TLCD4: variants seen among roughly 807,000 people sequenced by gnomAD.
TLCD4 encodes TLC domain-containing protein 4.
Under a neutral mutation model 24.2 loss-of-function variants are expected in TLCD4, and 7 were observed. The observed-to-expected ratio is 0.29, with a 90% CI of 0.16 to 0.54. The LOEUF (loss-of-function observed/expected upper bound fraction) is 0.54. TLCD4 is among the 20% of genes least tolerant of loss of function. The pLI is 0.95. For missense variants in TLCD4, 259 were observed against 313.9 expected (o/e 0.82, Z 1.32); for synonymous variants, 103 against 106.4 (o/e 0.97, Z 0.20).
intron 6 of TLCD4, among the ~76,000 whole-genome samples, chr1:95,180,845 A>G (rs910803609): frequency 3.3e-5 from 5 of 152,236 alleles, no homozygotes; most frequent in Admixed American, 6.5e-5. Context: ...TGTGACTTCA[A>G]GGAGCTTTAG....
At position 95,117,389 on chromosome 1, in the gene TLCD4, C is replaced by T. The variant is rs1311754962; in HGVS notation, c.-240C>T. ...CTCTGCGGTAACCCGAGCCCGCAGTCCGGGCGGGCGCGACGGCCGCCGCGG... is the reference window on the plus strand; with the variant it reads ...CTCTGCGGTAACCCGAGCCCGCAGTTCGGGCGGGCGCGACGGCCGCCGCGG... On this transcript the variant is annotated 5_prime_UTR_variant, in exon 1 of 7. Coordinates refer to ENST00000370203, the MANE Select transcript of TLCD4 (RefSeq NM_152487.3). 1 of 152,134 alleles carries T rather than the reference C, an allele frequency of 6.6e-6. No homozygotes were observed. The highest frequency in any genetic ancestry group is 1.5e-5 in the Non-Finnish European group (1 of 68,024). The allele number at this position is 152,134 out of a possible 1,614,324, so 9.4% of individuals were successfully genotyped here. A position where few individuals can be genotyped will look rare whatever the true frequency, so the allele number is the denominator to read the frequency against.
intron 6 of TLCD4, among the ~76,000 whole-genome samples, chr1:95,187,776 A>G (rs146325440): frequency 9.4e-4 from 143 of 152,084 alleles, no homozygotes; most frequent in African/African-American, 3.2e-3. Flanking sequence ...AAAATGCCAC[A>G]GTCTGGGTGG....
chr1:95,097,797 T>C, the TLCD4 span, among the ~76,000 whole-genome samples: 3 of 152,214 alleles, frequency 2.0e-5, no homozygotes, highest in African/African-American at 7.2e-5. Flanking sequence ...AAATAGTTGA[T>C]AAACGGAACT....
intron 1 of TLCD4, among the ~76,000 whole-genome samples, chr1:95,131,808 C>G (rs1676898569): frequency 6.6e-6 from 1 of 152,094 alleles, no homozygotes; most frequent in Non-Finnish European, 1.5e-5. Flanking sequence ...ATGGTTTGTC[C>G]CCATCAAAAC....
upstream of TLCD4, among the ~76,000 whole-genome samples, chr1:95,113,977 C>T (rs1676385662): frequency 6.6e-6 from 1 of 152,118 alleles, no homozygotes; most frequent in Non-Finnish European, 1.5e-5. Flanking sequence ...AAGTCTCACC[C>T]ACCCAGAAAT....
At chr1:95,102,266 T>C in the TLCD4 span, among the ~76,000 whole-genome samples, 1 of 152,148 alleles carries the variant, frequency 6.6e-6, no homozygotes, top group African/African-American at 2.4e-5. Context: ...ATTATTAACT[T>C]GGTATGATGC....
chr1:95,103,417 C>T, the TLCD4 span, among the ~76,000 whole-genome samples: 8 of 152,182 alleles, frequency 5.3e-5, no homozygotes, highest in Non-Finnish European at 1.2e-4. Context: ...CAGGAACCCC[C>T]TACTCTTATG....
At chr1:95,140,411 T>C (rs1677165215) in intron 1 of TLCD4, among the ~76,000 whole-genome samples, 1 of 152,226 alleles carries the variant, frequency 6.6e-6, no homozygotes. Flanking sequence ...TGGTCTGTCA[T>C]TGACTGAAAC....
At chr1:95,105,971 G>A in the TLCD4 span, among the ~76,000 whole-genome samples, 1 of 151,894 alleles carries the variant, frequency 6.6e-6, no homozygotes, top group Non-Finnish European at 1.5e-5. Context: ...GGACTAGTTT[G>A]GAGGCAGTTG....
chr1:95,144,064 A>G lies in TLCD4; in HGVS notation c.155+8A>G. On this transcript the variant is annotated splice_region_variant and intron_variant, in intron 2 of 6. Transcript: ENST00000370203. ...GATTGAATGGAACTCAAGGTAAAGC[A>G]TATGAAAATGTAATTGATGACAAGA... The G allele has an allele frequency of 6.8e-7, 1 of 1,462,126 alleles. No individual in the cohort carries two copies. The highest frequency in any genetic ancestry group is 9.0e-7 in the Non-Finnish European group (1 of 1,107,240). The allele number at this position is 1,462,126 out of a possible 1,614,324, so 90.6% of individuals were successfully genotyped here.
At chr1:95,167,159 A>G (rs1478735777) in intron 5 of TLCD4, among the ~76,000 whole-genome samples, 1 of 151,964 alleles carries the variant, frequency 6.6e-6, no homozygotes, top group African/African-American at 2.4e-5. Flanking sequence ...TAAAGATGGC[A>G]TTGTGCCCAT....
At chr1:95,094,514 T>C in the TLCD4 span, among the ~76,000 whole-genome samples, 2 of 152,160 alleles carry the variant, frequency 1.3e-5, no homozygotes, top group African/African-American at 2.4e-5. Flanking sequence ...AGATCTCTTG[T>C]ACCATAATTA....
At chr1:95,160,337 G>C (rs1230602347) in intron 5 of TLCD4, among the ~76,000 whole-genome samples, 2 of 152,136 alleles carry the variant, frequency 1.3e-5, no homozygotes, top group Non-Finnish European at 1.5e-5. Context: ...GAATGCTTGC[G>C]ATTTTTGCAC....
At chr1:95,107,199 G>A in the TLCD4 span, among the ~76,000 whole-genome samples, 1 of 152,182 alleles carries the variant, frequency 6.6e-6, no homozygotes, top group Non-Finnish European at 1.5e-5. Context: ...CAAGGCATGC[G>A]GATCATGAGG....
At chr1:95,116,453 A>T (rs1476301281), upstream of TLCD4, among the ~76,000 whole-genome samples, 1 of 152,226 alleles carries the variant, frequency 6.6e-6, no homozygotes, top group Admixed American at 6.5e-5. Flanking sequence ...TGTTAGCTCT[A>T]TTGACATTTC....
At chr1:95,144,080 G>T in intron 2 of TLCD4, 24 bp downstream of exon 2, 1 of 1,392,566 alleles carries the variant, frequency 7.2e-7, no homozygotes. Flanking sequence ...AAATGTAATT[G>T]ATGACAAGAA....
intron 5 of TLCD4, among the ~76,000 whole-genome samples, chr1:95,168,519 T>G: frequency 6.7e-6 from 1 of 150,286 alleles, no homozygotes; most frequent in Admixed American, 6.7e-5. Context: ...TCTGGATGGC[T>G]TTCTCCTTTT....
intron 1 of TLCD4, among the ~76,000 whole-genome samples, chr1:95,131,230 G>A (rs1676882276): frequency 6.6e-6 from 1 of 152,198 alleles, no homozygotes; most frequent in Non-Finnish European, 1.5e-5. Flanking sequence ...CATGCAGCAT[G>A]AGGGCAGGTA....
intron 6 of TLCD4, among the ~76,000 whole-genome samples, chr1:95,183,456 CG>C (rs1557698043): frequency 6.6e-6 from 1 of 151,962 alleles, no homozygotes; most frequent in African/African-American, 2.4e-5. Context: ...AGTGAGAGCT[CG>C]AGAGAGGAAT....
Sources: allele counts gnomAD v4.1 joint callset (sites outside exome capture counted in the v4.1 genomes callset), GRCh38; gene constraint gnomAD v4.1.1; transcripts MANE v1.5; gene names NCBI Gene and HGNC (gene_info 2026-07-23, HGNC 2026-07-21).